DOCK9: variants seen among roughly 807,000 people sequenced by gnomAD.
DOCK9 encodes the protein dedicator of cytokinesis 9.
Under a neutral mutation model 263.3 loss-of-function variants are expected in DOCK9, and 89 were observed. The ratio of observed to expected loss-of-function variants is 0.34; its 90% CI spans 0.28 to 0.40. The LOEUF is 0.40. DOCK9 is among the 10% of genes least tolerant of loss of function. The probability of loss-of-function intolerance (pLI) is 1.00; values close to 1 mark genes in which losing one functional copy is unlikely to be tolerated. For synonymous variants in DOCK9, 976 were observed against 973.1 expected, an observed-to-expected ratio of 1.00 and a Z score of -0.06; for missense variants, 2,140 against 2,603.4, an observed-to-expected ratio of 0.82 and a Z score of 3.87.
intron 48 of DOCK9, among the ~76,000 whole-genome samples, chr13:98,807,094 T>C (rs776019481): frequency 4.7e-4 from 72 of 152,160 alleles, no homozygotes; most frequent in Non-Finnish European, 5.7e-4. Context: ...CTCCTGGAGA[T>C]GTCCTGAGGA....
At position 98,867,504 on chromosome 13, in the gene DOCK9, A is replaced by G. The variant is rs192753233; in HGVS notation, c.3207T>C (p.Arg1069=). 6.2e-7 allele frequency: 1 copy of G among 1,611,586 alleles called. No individual in the cohort carries two copies. Among genetic ancestry groups the G allele is most frequent in the Non-Finnish European group, 8.5e-7 (1 of 1,178,938 alleles). Residue 1069 remains arginine, a synonymous_variant, in exon 30 of 53, where the codon CGT becomes CGC. Coordinates refer to ENST00000682017, the MANE Select transcript of DOCK9 (RefSeq NM_001366683.2). ...TLFEYKFEFL[R]VVCNHEHYIP... ...TATAATGTTCATGGTTGCACACTAC[A>G]CGGAGAAATTCAAACTTGTATTCAA... is the stretch of plus-strand genomic sequence containing the variant.
intron 15 of DOCK9, among the ~76,000 whole-genome samples, chr13:98,891,791 T>C (rs1281898950): frequency 1.3e-5 from 2 of 149,604 alleles, no homozygotes; most frequent in Non-Finnish European, 3.0e-5. Context: ...TTCCATATTA[T>C]GTAGCACATG....
At chr13:99,013,893 G>A (rs556712884) in intron 1 of DOCK9, among the ~76,000 whole-genome samples, 1 of 152,308 alleles carries the variant, frequency 6.6e-6, no homozygotes, top group Non-Finnish European at 1.5e-5. Flanking sequence ...AGGTCCCAGA[G>A]GGCAACGACA....
At chr13:98,814,645 A>G (rs1419595658) in intron 45 of DOCK9, among the ~76,000 whole-genome samples, 1 of 152,040 alleles carries the variant, frequency 6.6e-6, no homozygotes, top group African/African-American at 2.4e-5. Flanking sequence ...ACCTCAAGTG[A>G]TCCACCCATC....
At chr13:99,001,123 T>G (rs557675818) in intron 1 of DOCK9, among the ~76,000 whole-genome samples, 11 of 152,292 alleles carry the variant, frequency 7.2e-5, no homozygotes, top group Admixed American at 6.5e-4. Flanking sequence ...TAAACAATGA[T>G]TCTAAGGTTC....
intron 1 of DOCK9, among the ~76,000 whole-genome samples, chr13:99,051,133 T>G (rs2040673998): frequency 6.6e-6 from 1 of 152,168 alleles, no homozygotes. Context: ...GTTCCTCCAC[T>G]GTCACCTGAA....
chr13:99,062,245 C>T (rs1332988866), intron 1 of DOCK9, among the ~76,000 whole-genome samples: 2 of 152,134 alleles, frequency 1.3e-5, no homozygotes, highest in East Asian at 3.8e-4. Flanking sequence ...ATAAATCTAA[C>T]TCAGTAGGAA....
chr13:99,072,915 C>G (rs143053291), intron 1 of DOCK9, among the ~76,000 whole-genome samples: 1 of 152,102 alleles, frequency 6.6e-6, no homozygotes, highest in Non-Finnish European at 1.5e-5. Context: ...GGGAGGATTG[C>G]TTGAGCCCGG....
At chr13:99,015,619 T>C (rs1177540909) in intron 1 of DOCK9, 1 of 1,581,496 alleles carries the variant, frequency 6.3e-7, no homozygotes, top group African/African-American at 1.3e-5. Context: ...CCCCAAGGTG[T>C]GGATGTTCAG....
At chr13:98,979,760 C>A (rs77969332), upstream of DOCK9, among the ~76,000 whole-genome samples, 2,393 of 152,008 alleles carry the variant, frequency 0.016, 62 homozygotes, top group African/African-American at 0.054. Context: ...ACAGAAAAAA[C>A]CCAGTAAGAA....
intron 1 of DOCK9, among the ~76,000 whole-genome samples, chr13:99,013,780 G>T (rs1160722593): frequency 1.3e-5 from 2 of 152,176 alleles, no homozygotes; most frequent in African/African-American, 4.8e-5. Context: ...GCTGGAGGCT[G>T]CTGTAAAGAT....
At chr13:98,947,058 G>A (rs1214747898) in intron 2 of DOCK9, among the ~76,000 whole-genome samples, 1 of 152,084 alleles carries the variant, frequency 6.6e-6, no homozygotes, top group African/African-American at 2.4e-5. Flanking sequence ...ACTTCTCTCA[G>A]GGCTGGACTT....
chr13:98,850,424 A>C (rs2093530505), intron 35 of DOCK9, among the ~76,000 whole-genome samples: 1 of 152,264 alleles, frequency 6.6e-6, no homozygotes, highest in Non-Finnish European at 1.5e-5. Context: ...GAAAATTCAA[A>C]GAATACAAGT....
intron 15 of DOCK9, among the ~76,000 whole-genome samples, chr13:98,894,787 T>C (rs2047132389): frequency 6.6e-6 from 1 of 151,630 alleles, no homozygotes. Context: ...CTTATAGGTA[T>C]AATTCTGAAA....
intron 1 of DOCK9, among the ~76,000 whole-genome samples, chr13:99,053,699 T>C (rs1012170463): frequency 6.6e-6 from 1 of 152,150 alleles, no homozygotes; most frequent in Non-Finnish European, 1.5e-5. Context: ...TGCCAGGGCC[T>C]GGAGTGAGGA....
intron 9 of DOCK9, among the ~76,000 whole-genome samples, chr13:98,913,521 T>C (rs1478239750): frequency 2.0e-5 from 3 of 152,196 alleles, no homozygotes; most frequent in Admixed American, 6.5e-5. Flanking sequence ...AGAATACATA[T>C]GGTATGTTAG....
intron 7 of DOCK9, among the ~76,000 whole-genome samples, chr13:98,916,591 C>T (rs984667461): frequency 6.6e-6 from 1 of 152,208 alleles, no homozygotes; most frequent in African/African-American, 2.4e-5. Flanking sequence ...GTCAAGTGCT[C>T]CCCTTGGCAA....
At chr13:99,080,850 C>A (rs199853245) in intron 1 of DOCK9, among the ~76,000 whole-genome samples, 6 of 152,176 alleles carry the variant, frequency 3.9e-5, no homozygotes, top group African/African-American at 1.4e-4. Context: ...AAACCCTACA[C>A]GGGCAAGGGC....
intron 51 of DOCK9, 31 bp downstream of exon 51, chr13:98,797,358 A>G: frequency 6.2e-7 from 1 of 1,610,106 alleles, no homozygotes; most frequent in East Asian, 2.2e-5. Flanking sequence ...TCAATACTCG[A>G]AGAGAAAAAG....
Sources: gnomAD v4.1 joint callset for allele counts (sites outside exome capture counted in the v4.1 genomes callset) on GRCh38, gnomAD v4.1.1 for gene constraint, MANE v1.5 for transcripts, NCBI Gene and HGNC (gene_info 2026-07-23, HGNC 2026-07-21) for gene names.